ANKRD30A: variants seen among roughly 807,000 people sequenced by gnomAD.
ANKRD30A encodes the protein ankyrin repeat domain-containing protein 30A.
In ANKRD30A, 170 loss-of-function variants were observed where a neutral mutation model predicts 166.3. The observed-to-expected ratio is 1.02, with a 90% confidence interval of 0.90 to 1.16. ANKRD30A has a LOEUF of 1.16. Ranked by LOEUF, ANKRD30A falls within the 50% of genes most tolerant of loss-of-function variation. The pLI is 0.00. For missense variants in ANKRD30A, 1,630 were observed against 1,518.0 expected (o/e 1.07, Z -1.23); for synonymous variants, 564 against 508.9 (o/e 1.11, Z -1.46).
intron 1 of ANKRD30A, among the ~76,000 whole-genome samples, chr10:37,126,770 G>A (rs1388226635): frequency 3.3e-5 from 5 of 152,066 alleles, no homozygotes; most frequent in Middle Eastern, 3.2e-3. Context: ...AAGATGAGCC[G>A]GGAGTGGTGG....
downstream of ANKRD30A, among the ~76,000 whole-genome samples, chr10:37,234,067 T>C (rs189949390): frequency 8.5e-5 from 13 of 152,302 alleles, no homozygotes; most frequent in African/African-American, 3.1e-4. Flanking sequence ...ACATCATTTT[T>C]GTTGCATGTG....
At chr10:37,202,171 T>C (rs1368239778) in intron 31 of ANKRD30A, among the ~76,000 whole-genome samples, 5 of 152,048 alleles carry the variant, frequency 3.3e-5, no homozygotes, top group African/African-American at 1.2e-4. Flanking sequence ...TTACTTTTAT[T>C]TTTGAGTATG....
In ANKRD30A at chr10:37,125,780, C is replaced by T. The variant is rs1418722298; in HGVS notation, c.-8C>T. On this transcript the variant is annotated 5_prime_UTR_variant, in exon 1 of 36. Coordinates refer to ENST00000361713, the MANE Select transcript of ANKRD30A (RefSeq NM_052997.3). The stretch of plus-strand genomic sequence containing the variant: ...GGCGCGGGCACTCTCTAGCAGGTGG[C>T]CGCAGCCATGGAGGAGATCTCTGCC... 1.1e-5 allele frequency: 7 copies of T among 640,450 alleles called. No homozygotes were observed. Among genetic ancestry groups the T allele is most frequent in the South Asian group, 3.8e-5 (2 of 52,792 alleles). 39.7% of individuals were successfully genotyped at this position (640,450 alleles called of 1,614,324 possible).
chr10:37,145,115 A>T, intron 8 of ANKRD30A, 59 bp downstream of exon 8: 1 of 1,345,294 alleles, frequency 7.4e-7, no homozygotes, highest in Non-Finnish European at 1.0e-6. Context: ...ATGTGAAAAT[A>T]TAAAGTCAGA....
chr10:37,162,593 G>T, intron 15 of ANKRD30A, 56 bp from the exon 16 acceptor site: 2 of 1,598,762 alleles, frequency 1.3e-6, no homozygotes, highest in East Asian at 4.5e-5. Context: ...GCATTCATTT[G>T]TGGTTGGCTT....
downstream of ANKRD30A, among the ~76,000 whole-genome samples, chr10:37,236,547 A>T (rs1365268552): frequency 3.3e-5 from 5 of 152,196 alleles, no homozygotes; most frequent in African/African-American, 1.2e-4. Flanking sequence ...TTTACCCATT[A>T]GGTAAATCTT....
intron 34 of ANKRD30A, among the ~76,000 whole-genome samples, chr10:37,227,000 T>G (rs1175591185): frequency 6.6e-6 from 1 of 151,928 alleles, no homozygotes; most frequent in Non-Finnish European, 1.5e-5. Context: ...CTTTGCCCAT[T>G]TTCTAATTGG....
the ANKRD30A span, among the ~76,000 whole-genome samples, chr10:37,260,602 T>C: frequency 1.3e-5 from 2 of 152,224 alleles, no homozygotes; most frequent in African/African-American, 4.8e-5. Context: ...CTTCTACTTA[T>C]GATTCCGTCA....
At chr10:37,200,758 T>C (rs1386544923) in intron 30 of ANKRD30A, among the ~76,000 whole-genome samples, 1 of 152,138 alleles carries the variant, frequency 6.6e-6, no homozygotes, top group Non-Finnish European at 1.5e-5. Flanking sequence ...TGTACATACA[T>C]TCTATGACAG....
At chr10:37,138,539 G>C (rs1275763287) in intron 6 of ANKRD30A, among the ~76,000 whole-genome samples, 1 of 152,226 alleles carries the variant, frequency 6.6e-6, no homozygotes, top group African/African-American at 2.4e-5. Context: ...TAAAGGACCT[G>C]ATGGAGCTGA....
chr10:37,193,493 G>C (rs1840775671), intron 27 of ANKRD30A, among the ~76,000 whole-genome samples: 2 of 152,012 alleles, frequency 1.3e-5, no homozygotes, highest in Admixed American at 1.3e-4. Flanking sequence ...TTAATGTCCT[G>C]ATCGGATAAA....
At position 37,214,540 on chromosome 10, in the gene ANKRD30A, G is replaced by GTATATA. The variant is rs140166249; in HGVS notation, c.2870-1625_2870-1620dup. 2.7e-3 allele frequency among the ~76,000 whole-genome samples: 377 copies of GTATATA among 139,792 alleles called. 1 individual carries two copies. The highest frequency in any genetic ancestry group is 0.013 in the East Asian group (61 of 4,806). 91.7% of individuals were successfully genotyped at this position (139,792 alleles called of 152,430 possible). A position where few individuals can be genotyped will look rare whatever the true frequency, so the allele number is the denominator to read the frequency against. On this transcript the variant is annotated intron_variant, in intron 31 of 35. Transcript: ENST00000361713. ...TAATTTTTATGATTTAGTTTTATAG[G>GTATATA]TATATATATATATATATATATGTAT...
At chr10:37,191,879 C>T (rs1210042747) in intron 25 of ANKRD30A, among the ~76,000 whole-genome samples, 2 of 151,940 alleles carry the variant, frequency 1.3e-5, no homozygotes, top group Non-Finnish European at 2.9e-5. Context: ...CCTGTAGTCC[C>T]AGCTACTCCG....
At chr10:37,158,370 A>G (rs770631428) in intron 13 of ANKRD30A, 22 bp from the exon 14 acceptor site, 3 of 1,602,984 alleles carry the variant, frequency 1.9e-6, no homozygotes, top group Admixed American at 3.4e-5. Context: ...ATAATCAATT[A>G]TGTATGTCCC....
At chr10:37,167,169 G>T (rs966333470) in intron 19 of ANKRD30A, among the ~76,000 whole-genome samples, 1 of 151,426 alleles carries the variant, frequency 6.6e-6, no homozygotes, top group Non-Finnish European at 1.5e-5. Flanking sequence ...ATTTAGAAAA[G>T]TTTTACTGCA....
At position 37,219,115 on chromosome 10, in the gene ANKRD30A, G is replaced by C. The variant is rs757921040; in HGVS notation, c.3403G>C (p.Asp1135His). ...GGAAAAGGAAAATAAATACTTTGAG[G>C]ACATTAAGATTTTAAAAGAAAAGAA... ...YQEKENKYFE[D>H]IKILKEKNAE... The change falls in exon 34 of 36, where the codon GAC becomes CAC. Residue 1135 changes from aspartate (D) to histidine (H), a missense_variant. Around this residue, in one of 4 missense-constraint regions of ANKRD30A, gnomAD observed 712 missense variants for 629.3 expected, o/e 1.13. Transcript: ENST00000361713. The C allele has an allele frequency of 1.9e-6, 3 of 1,609,716 alleles. No homozygotes were observed. Among genetic ancestry groups the C allele is most frequent in the South Asian group, 1.1e-5 (1 of 90,892 alleles).
At chr10:37,150,785 T>C (rs1177508798) in intron 11 of ANKRD30A, among the ~76,000 whole-genome samples, 1 of 152,112 alleles carries the variant, frequency 6.6e-6, no homozygotes, top group East Asian at 1.9e-4. Flanking sequence ...AATGAAAACA[T>C]TCAGATTTCA....
chr10:37,246,897 A>G, the ANKRD30A span, among the ~76,000 whole-genome samples: 1 of 152,148 alleles, frequency 6.6e-6, no homozygotes, highest in African/African-American at 2.4e-5. Context: ...TGATAATAAA[A>G]AATGTCTCCA....
At chr10:37,155,269 T>C (rs1838278233) in intron 13 of ANKRD30A, among the ~76,000 whole-genome samples, 1 of 152,228 alleles carries the variant, frequency 6.6e-6, no homozygotes, top group Non-Finnish European at 1.5e-5. Flanking sequence ...AGTTTGTACA[T>C]CTTCCTCCAT....
Sources: gnomAD v4.1 joint callset for allele counts (sites outside exome capture counted in the v4.1 genomes callset) on GRCh38, gnomAD v4.1.1 for gene constraint, gnomAD v4.1.1 regional missense constraint, MANE v1.5 for transcripts, NCBI Gene and HGNC (gene_info 2026-07-23, HGNC 2026-07-21) for gene names.